The following WDPCP variants were observed in gnomAD, a reference collection of about 807,000 sequenced individuals.
WDPCP encodes the protein WD repeat-containing and planar cell polarity effector protein fritz homolog.
In WDPCP, 71 loss-of-function variants were observed where a neutral mutation model predicts 93.1. The observed-to-expected ratio is 0.76, with a 90% CI of 0.63 to 0.93. The LOEUF is 0.93. WDPCP is among the 40% of genes least tolerant of loss of function. WDPCP has a pLI of 0.00. For missense variants in WDPCP, 844 were observed against 887.4 expected (o/e 0.95, Z 0.62); for synonymous variants, 315 against 315.0 (o/e 1.00, Z 0.00).
At chr2:63,451,319 T>C (rs1298211463) in intron 6 of WDPCP, among the ~76,000 whole-genome samples, 3 of 152,026 alleles carry the variant, frequency 2.0e-5, no homozygotes, top group African/African-American at 7.2e-5. Flanking sequence ...AAAAAAGATA[T>C]ATGCAAATAA....
intron 2 of WDPCP, among the ~76,000 whole-genome samples, chr2:63,663,701 A>C (rs1442408341): frequency 1.3e-5 from 2 of 152,180 alleles, no homozygotes; most frequent in Non-Finnish European, 2.9e-5. Flanking sequence ...TTCTAAGCTG[A>C]GTGTTGTGTG....
chr2:63,597,539 G>C, intron 3 of WDPCP: 1 of 1,480,384 alleles, frequency 6.8e-7, no homozygotes, highest in Non-Finnish European at 9.0e-7. Flanking sequence ...ATCCCAGGGT[G>C]CAGCCTTAGA....
At chr2:63,441,345 T>A (rs1013414651) in intron 6 of WDPCP, 1 of 152,098 alleles carries the variant, frequency 6.6e-6, no homozygotes, top group African/African-American at 2.4e-5. Context: ...CTCCCCAAAT[T>A]CCTTCTCAGA....
intron 2 of WDPCP, among the ~76,000 whole-genome samples, chr2:63,659,605 T>C (rs1311021922): frequency 5.9e-5 from 9 of 152,344 alleles, no homozygotes; most frequent in Admixed American, 4.6e-4. Flanking sequence ...AAGCAAGCTA[T>C]GGATTCTCCT....
At chr2:63,306,136 C>T (rs1246475211) in intron 13 of WDPCP, among the ~76,000 whole-genome samples, 1 of 152,196 alleles carries the variant, frequency 6.6e-6, no homozygotes, top group African/African-American at 2.4e-5. Context: ...ACTAGAAAAT[C>T]TAGAAGAAAT....
chr2:63,449,698 A>G (rs76050462), intron 6 of WDPCP, among the ~76,000 whole-genome samples: 1,760 of 152,242 alleles, frequency 0.012, 41 homozygotes, highest in African/African-American at 0.041. Flanking sequence ...AGGGCACTAC[A>G]CCAGACAGAA....
intron 12 of WDPCP, among the ~76,000 whole-genome samples, chr2:63,364,549 C>T (rs1301827984): frequency 6.6e-6 from 1 of 152,168 alleles, no homozygotes; most frequent in Non-Finnish European, 1.5e-5. Flanking sequence ...ACCTGTCCTA[C>T]CTCTTCCCCA....
At chr2:63,307,518 C>T (rs574487120) in intron 13 of WDPCP, among the ~76,000 whole-genome samples, 19 of 152,196 alleles carry the variant, frequency 1.2e-4, no homozygotes, top group Non-Finnish European at 2.5e-4. Context: ...AACAAAACAG[C>T]GTGGTACTGG....
At chr2:63,680,200 C>T (rs1038586306) in intron 2 of WDPCP, among the ~76,000 whole-genome samples, 3 of 152,138 alleles carry the variant, frequency 2.0e-5, no homozygotes, top group Admixed American at 6.5e-5. Context: ...AAAGCATTGT[C>T]GTAAGAACCA....
chr2:63,337,298 C>T lies in WDPCP; in HGVS notation c.1749-23987G>A, dbSNP rs113032379. 9.9e-3 allele frequency among the ~76,000 whole-genome samples: 1,408 copies of T among 142,308 alleles called. 6 individuals are homozygous for T. The highest frequency in any genetic ancestry group is 0.014 in the Non-Finnish European group (938 of 66,560). 93.4% of individuals were successfully genotyped at this position (142,308 alleles called of 152,430 possible). A position where few individuals can be genotyped will look rare whatever the true frequency, so the allele number is the denominator to read the frequency against. On this transcript the variant is annotated intron_variant, in intron 12 of 17. Coordinates refer to ENST00000272321, the MANE Select transcript of WDPCP (RefSeq NM_015910.7). ...ACATAATGACCTCCATTTCCATCCA[C>T]GTCGTAGCAAGTGACATGATTTCAT...
At chr2:63,572,867 A>T (rs1423695183) in intron 1 of WDPCP, among the ~76,000 whole-genome samples, 5 of 152,006 alleles carry the variant, frequency 3.3e-5, no homozygotes, top group Non-Finnish European at 1.5e-5. Flanking sequence ...GTTATGCCCA[A>T]CTTAAAATCT....
chr2:63,378,063 C>T (rs1007814260), intron 12 of WDPCP: 4 of 286,594 alleles, frequency 1.4e-5, no homozygotes, highest in African/African-American at 8.7e-5. Context: ...ACATCATTAG[C>T]TTCAATTAAA....
intron 14 of WDPCP, among the ~76,000 whole-genome samples, chr2:63,223,194 T>C (rs1261773909): frequency 6.6e-6 from 1 of 152,168 alleles, no homozygotes; most frequent in African/African-American, 2.4e-5. Flanking sequence ...CTATCAAATA[T>C]GATTATGAAT....
chr2:63,721,543 A>G (rs1669413731), intron 2 of WDPCP, among the ~76,000 whole-genome samples: 1 of 152,160 alleles, frequency 6.6e-6, no homozygotes, highest in Non-Finnish European at 1.5e-5. Context: ...TTAAAAAAAT[A>G]TAAATAAATT....
At chr2:63,670,644 G>C (rs1234293449) in intron 2 of WDPCP, among the ~76,000 whole-genome samples, 1 of 152,138 alleles carries the variant, frequency 6.6e-6, no homozygotes, top group Non-Finnish European at 1.5e-5. Flanking sequence ...GGGAGGAAGA[G>C]AGAAAATGAG....
At chr2:63,651,104 G>T (rs1710104079) in intron 2 of WDPCP, among the ~76,000 whole-genome samples, 3 of 152,188 alleles carry the variant, frequency 2.0e-5, no homozygotes, top group South Asian at 4.1e-4. Flanking sequence ...ACAACAATAT[G>T]GTTCCTAGGT....
Position 63,121,001 on chromosome 2 carries a change from G to C in WDPCP, c.*1005C>G, listed in dbSNP as rs1039007272. Among the ~76,000 whole-genome samples, 2 of 152,160 alleles carry C rather than the reference G, an allele frequency of 1.3e-5. No homozygotes were observed. Among genetic ancestry groups the C allele is most frequent in the Non-Finnish European group, 2.9e-5 (2 of 68,028 alleles). ...ACTCCTGAGTCAGAGACAAATGATA[G>C]TAACCAGGGTATCGGCATTTTTTTC... is the stretch of plus-strand genomic sequence containing the variant. On this transcript the variant is annotated 3_prime_UTR_variant, in exon 18 of 18. Coordinates refer to ENST00000272321, the MANE Select transcript of WDPCP (RefSeq NM_015910.7).
chr2:63,546,893 G>A (rs981843266), intron 1 of WDPCP, among the ~76,000 whole-genome samples: 5 of 151,742 alleles, frequency 3.3e-5, no homozygotes, highest in Non-Finnish European at 5.9e-5. Flanking sequence ...TGGAAATACT[G>A]CAGAAAACAG....
chr2:63,297,355 G>C (rs940348903), intron 13 of WDPCP, among the ~76,000 whole-genome samples: 1 of 152,124 alleles, frequency 6.6e-6, no homozygotes, highest in African/African-American at 2.4e-5. Context: ...GGATTCCTTA[G>C]CTTAGGACTC....
Sources: allele counts gnomAD v4.1 joint callset (sites outside exome capture counted in the v4.1 genomes callset), GRCh38; gene constraint gnomAD v4.1.1; transcripts MANE v1.5; gene names NCBI Gene and HGNC (gene_info 2026-07-23, HGNC 2026-07-21).